Variants in TEX11 observed in about 807,000 individuals in gnomAD.
TEX11 encodes the protein testis-expressed protein 11.
TEX11 carries 7 observed loss-of-function variants against 84.4 expected under a neutral mutation model. That is an observed-to-expected ratio of 0.08 (90% CI 0.05 to 0.16). The LOEUF (loss-of-function observed/expected upper bound fraction) is 0.16, where lower values mean the gene tolerates loss of function less well. Ranked by LOEUF, TEX11 falls within the 10% of genes least tolerant of loss-of-function variation. The pLI, the probability that TEX11 is intolerant of heterozygous loss-of-function variation, is 1.00. For missense variants in TEX11, 551 were observed against 660.5 expected, an observed-to-expected ratio of 0.83 and a Z score of 1.82; for synonymous variants, 264 against 222.8, an observed-to-expected ratio of 1.18 and a Z score of -1.64.
chrX:70,528,497 T>A (rs2087844446), downstream of TEX11, among the ~76,000 whole-genome samples: 1 of 106,758 alleles, frequency 9.4e-6, no homozygotes, highest in East Asian at 3.0e-4. Context: ...TTTTTTTTTT[T>A]GTATTTTTAG....
intron 17 of TEX11, among the ~76,000 whole-genome samples, chrX:70,639,937 G>C (rs2089630339): frequency 1.8e-5 from 2 of 111,936 alleles, no homozygotes; most frequent in African/African-American, 6.5e-5. Context: ...TTGACGAGCT[G>C]AGAGAAGAAG....
At chrX:70,723,453 AC>A (rs1219072697) in intron 12 of TEX11, among the ~76,000 whole-genome samples, 1 of 111,893 alleles carries the variant, frequency 8.9e-6, no homozygotes, top group Non-Finnish European at 1.9e-5. Flanking sequence ...TAGAAAGCAA[AC>A]TTTTATGTAC....
In TEX11 at chrX:70,629,679, T is replaced by G; in HGVS notation, c.1540A>C (p.Asn514His). ...NILTDEESED[N>H]DLVAERGSPT... ...GAACCTCTCTCTGCAACTAGATCAT[T>G]ATCTTCTGACTCTTCATCTGTTAAT... The change falls in exon 18 of 30, where the codon AAT becomes CAT. Residue 514 changes from asparagine to histidine, a missense_variant. By Grantham distance (68) the Asn-to-His change is moderately conservative (BLOSUM62 1). Coordinates refer to ENST00000374333, the MANE Select transcript of TEX11 (RefSeq NM_031276.3). 3.3e-6 allele frequency: 4 copies of G among 1,196,076 alleles called. No individual in the cohort carries two copies. The highest frequency in any genetic ancestry group is 4.5e-6 in the Non-Finnish European group (4 of 882,258).
chrX:70,707,026 T>C (rs904607738), intron 13 of TEX11, among the ~76,000 whole-genome samples: 50 of 111,246 alleles, frequency 4.5e-4, no homozygotes, highest in African/African-American at 1.5e-3. Context: ...ATAAAACTTA[T>C]GCTAAATCCT....
intron 14 of TEX11, among the ~76,000 whole-genome samples, chrX:70,681,638 A>T (rs1190870127): frequency 1.8e-5 from 2 of 111,742 alleles, no homozygotes; most frequent in Admixed American, 9.5e-5. Flanking sequence ...TGTATTAAAA[A>T]TTTGAATCTG....
chrX:70,548,177 C>T (rs1475533142), intron 28 of TEX11, among the ~76,000 whole-genome samples: 1 of 108,922 alleles, frequency 9.2e-6, no homozygotes, highest in Admixed American at 9.8e-5. Flanking sequence ...GACAAAAAAC[C>T]AAACACCACA....
chrX:70,550,986 A>G (rs908762056), intron 28 of TEX11, among the ~76,000 whole-genome samples: 1 of 111,778 alleles, frequency 8.9e-6, no homozygotes, highest in African/African-American at 3.3e-5. Context: ...AATAGCTAAG[A>G]TTTGCAAGCA....
intron 11 of TEX11, among the ~76,000 whole-genome samples, chrX:70,727,718 TG>T (rs2090610153): frequency 9.0e-6 from 1 of 111,060 alleles, no homozygotes; most frequent in African/African-American, 3.3e-5. Flanking sequence ...ATGGGATAAG[TG>T]CCCTTATAAG....
intron 25 of TEX11, among the ~76,000 whole-genome samples, chrX:70,557,341 A>C (rs1427882929): frequency 9.4e-6 from 1 of 106,845 alleles, no homozygotes; most frequent in East Asian, 3.0e-4. Flanking sequence ...GTGGGGGCGC[A>C]TGTGTGTAAT....
At chrX:70,511,977 A>G in the TEX11 span, among the ~76,000 whole-genome samples, 3 of 105,216 alleles carry the variant, frequency 2.9e-5, no homozygotes, top group African/African-American at 1.1e-4. Flanking sequence ...GGTTTACACA[A>G]TAAAGTCTAA....
At chrX:70,661,391 G>A (rs2089925477) in intron 16 of TEX11, among the ~76,000 whole-genome samples, 1 of 112,517 alleles carries the variant, frequency 8.9e-6, no homozygotes, top group Non-Finnish European at 1.9e-5. Context: ...CTCGAACTGG[G>A]TGGAGCCCAC....
At chrX:70,712,222 G>C (rs1453834770) in intron 13 of TEX11, among the ~76,000 whole-genome samples, 1 of 111,661 alleles carries the variant, frequency 9.0e-6, no homozygotes, top group African/African-American at 3.3e-5. Flanking sequence ...GTCAGGAAGA[G>C]TGATGCCTCC....
chrX:70,662,873 A>G (rs1340666033), intron 16 of TEX11, among the ~76,000 whole-genome samples: 1 of 111,778 alleles, frequency 8.9e-6, no homozygotes, highest in Non-Finnish European at 1.9e-5. Context: ...CTGGGAAGGA[A>G]CACAAGGAAA....
At chrX:70,839,650 G>A (rs919030294) in intron 7 of TEX11, among the ~76,000 whole-genome samples, 60 of 112,162 alleles carry the variant, frequency 5.3e-4, no homozygotes, top group Non-Finnish European at 8.6e-4. Context: ...GAATGACTTT[G>A]ACGAGCTGAG....
rs1298450717 is a variant in TEX11 at position 70,802,882 on chromosome X, T to C, written c.692+3823A>G. ...CAAATTTGTTACAATGAAATTTCTG[T>C]ATACCTTTTCTGAAAAGCCAAGTTC... On this transcript the variant is annotated intron_variant, in intron 9 of 29. Coordinates refer to ENST00000374333, the MANE Select transcript of TEX11 (RefSeq NM_031276.3). 2.7e-5 allele frequency among the ~76,000 whole-genome samples: 3 copies of C among 112,204 alleles called. No homozygotes were observed. In the Admixed American group the frequency reaches 2.8e-4, roughly 11 times the overall value.
At chrX:70,872,259 A>G (rs1211609891) in intron 4 of TEX11, among the ~76,000 whole-genome samples, 1 of 112,362 alleles carries the variant, frequency 8.9e-6, no homozygotes, top group East Asian at 2.8e-4. Flanking sequence ...ATATCAATTT[A>G]TCTAAGAGTT....
At chrX:70,698,167 C>G (rs1487925976) in intron 13 of TEX11, among the ~76,000 whole-genome samples, 1 of 110,830 alleles carries the variant, frequency 9.0e-6, no homozygotes, top group Non-Finnish European at 1.9e-5. Context: ...TTTATCATTT[C>G]TTTTTGTTGT....
chrX:70,836,571 C>T (rs1158944244), intron 7 of TEX11, among the ~76,000 whole-genome samples: 3 of 111,803 alleles, frequency 2.7e-5, no homozygotes, highest in Admixed American at 9.5e-5. Flanking sequence ...AAAGGATGTT[C>T]AACATCATTA....
At chrX:70,801,266 G>A (rs1216109651) in intron 9 of TEX11, among the ~76,000 whole-genome samples, 1 of 111,974 alleles carries the variant, frequency 8.9e-6, no homozygotes, top group Admixed American at 9.5e-5. Context: ...GGCTTCTACT[G>A]CTTCAACAAC....
Sources: gnomAD v4.1 joint callset for allele counts (sites outside exome capture counted in the v4.1 genomes callset) on GRCh38, gnomAD v4.1.1 for gene constraint, MANE v1.5 for transcripts, NCBI Gene and HGNC (gene_info 2026-07-23, HGNC 2026-07-21) for gene names.